Variants in TBC1D5 observed in about 807,000 individuals in gnomAD.
The protein encoded by TBC1D5 is TBC1 domain family, member 5.
Under a neutral mutation model 100.3 loss-of-function variants are expected in TBC1D5, and 75 were observed. The ratio of observed to expected loss-of-function variants is 0.75; its 90% CI spans 0.62 to 0.91. The LOEUF is 0.91. Ranked by LOEUF, TBC1D5 falls within the 40% of genes least tolerant of loss-of-function variation. The pLI, the probability that TBC1D5 is intolerant of heterozygous loss-of-function variation, is 0.00. For missense variants in TBC1D5, 910 were observed against 942.4 expected (o/e 0.97, Z 0.45); for synonymous variants, 323 against 325.6 (o/e 0.99, Z 0.09).
chr3:17,722,172 A>T (rs570324834), intron 1 of TBC1D5, among the ~76,000 whole-genome samples: 2 of 151,936 alleles, frequency 1.3e-5, no homozygotes, highest in Non-Finnish European at 2.9e-5. Context: ...CTATATTAAA[A>T]GTATCATCAA....
At chr3:17,660,525 G>C (rs1010800763) in intron 1 of TBC1D5, among the ~76,000 whole-genome samples, 1 of 152,120 alleles carries the variant, frequency 6.6e-6, no homozygotes, top group African/African-American at 2.4e-5. Context: ...GATCTAAATG[G>C]GGCCAATAAA....
intron 2 of TBC1D5, among the ~76,000 whole-genome samples, chr3:17,526,114 C>T (rs1208906953): frequency 6.6e-6 from 1 of 152,064 alleles, no homozygotes; most frequent in Admixed American, 6.5e-5. Context: ...GGGAGGAATA[C>T]CCTTGAGAAG....
intron 2 of TBC1D5, among the ~76,000 whole-genome samples, chr3:17,528,252 G>A (rs886904014): frequency 1.3e-5 from 2 of 152,180 alleles, no homozygotes; most frequent in Non-Finnish European, 2.9e-5. Context: ...AAGAGGTAGG[G>A]CCTTCAGGAG....
At chr3:17,412,806 T>C (rs771316507) in intron 4 of TBC1D5, among the ~76,000 whole-genome samples, 4 of 151,946 alleles carry the variant, frequency 2.6e-5, no homozygotes, top group Admixed American at 6.6e-5. Flanking sequence ...AAATGAGAAA[T>C]AGGAAAGACA....
chr3:17,552,263 T>C (rs919316797), intron 2 of TBC1D5, among the ~76,000 whole-genome samples: 4 of 151,660 alleles, frequency 2.6e-5, no homozygotes, highest in African/African-American at 9.7e-5. Context: ...GGAACTAACA[T>C]GGCTGGACAA....
intron 13 of TBC1D5, among the ~76,000 whole-genome samples, chr3:17,310,688 G>A (rs903715262): frequency 2.4e-4 from 37 of 151,732 alleles, no homozygotes; most frequent in Non-Finnish European, 4.3e-4. Flanking sequence ...AATCCAGGAG[G>A]TAGAAAAAAA....
At chr3:17,214,639 T>TAA (rs202019351) in intron 17 of TBC1D5, among the ~76,000 whole-genome samples, 3,072 of 133,400 alleles carry the variant, frequency 0.023, 112 homozygotes, top group African/African-American at 0.077. Flanking sequence ...TAAAAAGAAC[T>TAA]AAAAAAAAAA....
At chr3:17,190,528 C>T (rs889721937) in intron 18 of TBC1D5, among the ~76,000 whole-genome samples, 4 of 152,142 alleles carry the variant, frequency 2.6e-5, no homozygotes, top group African/African-American at 9.7e-5. Flanking sequence ...GGGGATAGTA[C>T]GAGCTGAGGT....
intron 8 of TBC1D5, among the ~76,000 whole-genome samples, chr3:17,389,030 G>C (rs1264782209): frequency 1.3e-5 from 2 of 152,086 alleles, no homozygotes; most frequent in East Asian, 3.9e-4. Context: ...ATATTTGTCA[G>C]TACATTGCAA....
chr3:17,684,201 G>A (rs912395804), intron 1 of TBC1D5, among the ~76,000 whole-genome samples: 4 of 151,874 alleles, frequency 2.6e-5, no homozygotes, highest in Admixed American at 1.3e-4. Flanking sequence ...ACACAGATAT[G>A]TATGACACAC....
intron 3 of TBC1D5, among the ~76,000 whole-genome samples, chr3:17,502,035 A>G (rs2095793271): frequency 6.7e-6 from 1 of 149,516 alleles, no homozygotes; most frequent in South Asian, 2.1e-4. Context: ...TGTTGCATCT[A>G]AACACCTCCT....
intron 1 of TBC1D5, among the ~76,000 whole-genome samples, chr3:17,640,084 G>A (rs908661527): frequency 1.3e-5 from 2 of 152,092 alleles, no homozygotes; most frequent in African/African-American, 4.8e-5. Flanking sequence ...GATAACCACA[G>A]AGAAATATAA....
At chr3:17,617,326 C>T (rs1430616968) in intron 2 of TBC1D5, among the ~76,000 whole-genome samples, 1 of 152,158 alleles carries the variant, frequency 6.6e-6, no homozygotes, top group Non-Finnish European at 1.5e-5. Flanking sequence ...TTTTTTCCTT[C>T]ATTTCAACCT....
intron 13 of TBC1D5, among the ~76,000 whole-genome samples, chr3:17,368,323 A>AGTGTACATACTTAGC (rs2092283681): frequency 6.6e-6 from 1 of 152,140 alleles, no homozygotes; most frequent in Non-Finnish European, 1.5e-5. Flanking sequence ...TCTATTAGCA[A>AGTGTACATACTTAGC]AATGCAGCAA....
At chr3:17,434,943 A>C (rs2094508683) in intron 3 of TBC1D5, among the ~76,000 whole-genome samples, 1 of 152,160 alleles carries the variant, frequency 6.6e-6, no homozygotes, top group Non-Finnish European at 1.5e-5. Flanking sequence ...TCAAGTGCAA[A>C]GTTTCACCGA....
intron 19 of TBC1D5, among the ~76,000 whole-genome samples, chr3:17,182,536 A>T (rs899784190): frequency 2.0e-5 from 3 of 152,260 alleles, no homozygotes; most frequent in Non-Finnish European, 4.4e-5. Context: ...TGTACCAAAC[A>T]ACTTGGGAAT....
At chr3:17,704,314 T>A (rs2153893624) in intron 1 of TBC1D5, among the ~76,000 whole-genome samples, 1 of 151,046 alleles carries the variant, frequency 6.6e-6, no homozygotes, top group African/African-American at 2.4e-5. Flanking sequence ...GTCTCCCATG[T>A]CTACTTCTTT....
chr3:17,444,471 G>GT (rs1214622167), intron 3 of TBC1D5, among the ~76,000 whole-genome samples: 1 of 151,940 alleles, frequency 6.6e-6, no homozygotes, highest in African/African-American at 2.4e-5. Flanking sequence ...AATAATCAAT[G>GT]TATGTCCTAT....
intron 3 of TBC1D5, among the ~76,000 whole-genome samples, chr3:17,447,890 T>C (rs2094836833): frequency 3.9e-5 from 6 of 152,226 alleles, no homozygotes; most frequent in Admixed American, 1.3e-4. Flanking sequence ...ACTTCTAAAA[T>C]ATGTTTATTG....
Sources: gnomAD v4.1 joint callset for allele counts (sites outside exome capture counted in the v4.1 genomes callset) on GRCh38, gnomAD v4.1.1 for gene constraint, MANE v1.5 for transcripts, NCBI Gene and HGNC (gene_info 2026-07-23, HGNC 2026-07-21) for gene names.